SOCS7: variants seen among roughly 807,000 people sequenced by gnomAD.
The protein encoded by SOCS7 is NAP-4.
Under a neutral mutation model 58.9 loss-of-function variants are expected in SOCS7, and 18 were observed. The observed-to-expected ratio is 0.31, with a 90% confidence interval of 0.21 to 0.45. The LOEUF (loss-of-function observed/expected upper bound fraction) is 0.45. Ranked by LOEUF, SOCS7 falls within the 20% of genes least tolerant of loss-of-function variation. The pLI, the probability that SOCS7 is intolerant of heterozygous loss-of-function variation, is 1.00. For missense variants in SOCS7, 667 were observed against 837.3 expected (o/e 0.80, Z 2.51); for synonymous variants, 388 against 364.3 (o/e 1.06, Z -0.74).
At position 38,402,131 on chromosome 17, in the gene SOCS7, CTG is replaced by C; in HGVS notation, c.*2653_*2654del. 6.6e-6 allele frequency: 1 copy of C among 152,590 alleles called. No homozygotes were observed. The highest frequency in any genetic ancestry group is 1.5e-5 in the Non-Finnish European group (1 of 68,216). 9.5% of individuals were successfully genotyped at this position (152,590 alleles called of 1,614,324 possible). A position where few individuals can be genotyped will look rare whatever the true frequency, so the allele number is the denominator to read the frequency against. On this transcript the variant is annotated 3_prime_UTR_variant, in exon 10 of 10. Coordinates refer to ENST00000612932, the MANE Select transcript of SOCS7 (RefSeq NM_014598.4). ...TGGGGAGTGTCGTGTTGAACTGTGT[CTG>C]TGTCAGTGCACTGGTCCCAGCCCTG...
chr17:38,379,882 A>G (rs1365972859), intron 7 of SOCS7, among the ~76,000 whole-genome samples: 1 of 152,164 alleles, frequency 6.6e-6, no homozygotes, highest in East Asian at 1.9e-4. Flanking sequence ...TTGTAACTTA[A>G]TTATCAAAAA....
chr17:38,387,125 A>ATATG (rs1268042949), intron 7 of SOCS7, among the ~76,000 whole-genome samples: 1 of 102,814 alleles, frequency 9.7e-6, no homozygotes, highest in Non-Finnish European at 1.8e-5. Context: ...ATATATATAT[A>ATATG]TATGTATGTA....
At chr17:38,371,472 G>T (rs973322565) in intron 6 of SOCS7, among the ~76,000 whole-genome samples, 3 of 151,616 alleles carry the variant, frequency 2.0e-5, no homozygotes, top group Admixed American at 2.0e-4. Flanking sequence ...GTTTCACCAT[G>T]TTGGCCAGGT....
Position 38,402,015 on chromosome 17 carries a change from TG to T in SOCS7, c.*2537del, listed in dbSNP as rs1308039020. On this transcript the variant is annotated 3_prime_UTR_variant, in exon 10 of 10. Coordinates refer to ENST00000612932, the MANE Select transcript of SOCS7 (RefSeq NM_014598.4). ...AGAGCCTCTGCACCCCCTGTGTTAC[TG>T]GGGTTTCTTCTGGAGAACTCATACA... 6.6e-6 allele frequency: 1 copy of T among 152,268 alleles called. No homozygotes were observed. The highest frequency in any genetic ancestry group is 2.4e-5 in the African/African-American group (1 of 41,454). The allele number at this position is 152,268 out of a possible 1,614,324, so 9.4% of individuals were successfully genotyped here.
chr17:38,393,944 C>T (rs1043232469), intron 7 of SOCS7, among the ~76,000 whole-genome samples: 2 of 152,134 alleles, frequency 1.3e-5, no homozygotes, highest in East Asian at 3.8e-4. Flanking sequence ...ACTTAAACCC[C>T]AATAATAGTA....
At position 38,401,990 on chromosome 17, in the gene SOCS7, A is replaced by C. The variant is rs1305726600; in HGVS notation, c.*2508A>C. On this transcript the variant is annotated 3_prime_UTR_variant, in exon 10 of 10. Coordinates refer to ENST00000612932, the MANE Select transcript of SOCS7 (RefSeq NM_014598.4). ...TCAGCTCAGGCCATGTGAGGGAGGC[A>C]GAGCCTCTGCACCCCCTGTGTTACT... 6.6e-6 allele frequency: 1 copy of C among 152,274 alleles called. No individual in the cohort carries two copies. The highest frequency in any genetic ancestry group is 1.5e-5 in the Non-Finnish European group (1 of 68,082). 9.4% of individuals were successfully genotyped at this position (152,274 alleles called of 1,614,324 possible). A position where few individuals can be genotyped will look rare whatever the true frequency, so the allele number is the denominator to read the frequency against.
chr17:38,363,677 A>C, intron 2 of SOCS7, among the ~76,000 whole-genome samples: 1 of 152,166 alleles, frequency 6.6e-6, no homozygotes, highest in East Asian at 1.9e-4. Flanking sequence ...TATCTTAATT[A>C]GTATTCAAGA....
intron 7 of SOCS7, among the ~76,000 whole-genome samples, chr17:38,394,361 C>T (rs184079051): frequency 6.8e-4 from 104 of 152,298 alleles, no homozygotes; most frequent in African/African-American, 2.2e-3. Context: ...ATTTCAGAAG[C>T]AGGAACTGGG....
chr17:38,366,325 T>A lies in SOCS7; in HGVS notation c.1291T>A (p.Ser431Thr). Residue 431 changes from serine (S) to threonine (T), a missense_variant, in exon 5 of 10, where the codon TCC becomes ACC. Ser to Thr is a moderately conservative substitution (Grantham distance 58). Transcript: ENST00000612932. ...PRIAPIRAAE[S>T]LHSQPPQHLQ... ...GATTGCTCCCATCCGAGCAGCTGAA[T>A]CCCTGCACAGCCAACCCCCACAGCA... 1 of 1,614,146 alleles carries A rather than the reference T, an allele frequency of 6.2e-7. No homozygotes were observed. Among genetic ancestry groups the A allele is most frequent in the Middle Eastern group, 1.6e-4 (1 of 6,062 alleles).
intron 7 of SOCS7, among the ~76,000 whole-genome samples, chr17:38,389,900 C>CATATATATATATATATATATATGT (rs1263290062): frequency 4.0e-4 from 8 of 20,196 alleles, no homozygotes; most frequent in African/African-American, 8.2e-4. Context: ...TATATATATA[C>CATATATATATATATATATATATGT]ACATATAGAG....
Position 38,371,677 on chromosome 17 carries a change from G to A in SOCS7, c.1552+3627G>A, listed in dbSNP as rs541829079. ...GTCCAGGTTGGTCTTGAACTCCTGA[G>A]CTCAAGTGACCTGCTCACCTCTGCC... On this transcript the variant is annotated intron_variant, in intron 6 of 9. Transcript: ENST00000612932. 1.4e-4 allele frequency among the ~76,000 whole-genome samples: 21 copies of A among 150,748 alleles called. No homozygotes were observed. The South Asian group carries it at 4.4e-3, about 32-fold the overall frequency.
At chr17:38,366,079 C>T (rs1555568263) in intron 4 of SOCS7, 2 of 1,256,932 alleles carry the variant, frequency 1.6e-6, no homozygotes, top group Non-Finnish European at 2.1e-6. Context: ...CAAGTGCCCC[C>T]ACCCATCCTT....
chr17:38,380,399 G>C (rs2037985661), intron 7 of SOCS7, among the ~76,000 whole-genome samples: 1 of 152,062 alleles, frequency 6.6e-6, no homozygotes. Context: ...GGGAGTCCGA[G>C]GTGGGTGGAT....
At chr17:38,395,716 A>G in intron 8 of SOCS7, 132 bp from the exon 9 acceptor site, 3 of 990,456 alleles carry the variant, frequency 3.0e-6, no homozygotes, top group East Asian at 2.4e-5. Flanking sequence ...ACAGAACTAT[A>G]ATAACTGAGA....
chr17:38,391,353 G>T (rs2038171345), intron 7 of SOCS7, among the ~76,000 whole-genome samples: 1 of 152,148 alleles, frequency 6.6e-6, no homozygotes, highest in African/African-American at 2.4e-5. Flanking sequence ...TCAAGCTGAA[G>T]AAAGGAGTGG....
chr17:38,360,026 C>T (rs910756905), intron 1 of SOCS7, among the ~76,000 whole-genome samples: 5 of 151,928 alleles, frequency 3.3e-5, no homozygotes, highest in Non-Finnish European at 5.9e-5. Flanking sequence ...AATCTGCCCA[C>T]CTCAGCCTCT....
At chr17:38,354,741 A>ATGACATAGGATAGATTGC (rs1484513087) in intron 1 of SOCS7, among the ~76,000 whole-genome samples, 48 of 152,300 alleles carry the variant, frequency 3.2e-4, no homozygotes, top group Admixed American at 2.1e-3. Context: ...GCTATGGGTA[A>ATGACATAGGATAGATTGC]TGACATAGGA....
At position 38,371,754 on chromosome 17, in the gene SOCS7, G is replaced by GTTTTTTTT. The variant is rs770296566; in HGVS notation, c.1552+3721_1552+3728dup. Among the ~76,000 whole-genome samples, 10 of 72,210 alleles carry GTTTTTTTT rather than the reference G, an allele frequency of 1.4e-4. 1 individual carries two copies. Among genetic ancestry groups the GTTTTTTTT allele is most frequent in the African/African-American group, 5.5e-4 (10 of 18,224 alleles). 47.4% of individuals were successfully genotyped at this position (72,210 alleles called of 152,430 possible). A position where few individuals can be genotyped will look rare whatever the true frequency, so the allele number is the denominator to read the frequency against. ...GAGCCACTGTGCCTGGCCCTTTTGT[G>GTTTTTTTT]TTTTTTTTTTTTTTTTTTTTTTTTG... On this transcript the variant is annotated intron_variant, in intron 6 of 9. Transcript: ENST00000612932.
chr17:38,396,871 T>C (rs2038251570), intron 9 of SOCS7, among the ~76,000 whole-genome samples: 1 of 152,190 alleles, frequency 6.6e-6, no homozygotes, highest in Non-Finnish European at 1.5e-5. Context: ...TCTTCAATTA[T>C]ATGCAAATTG....
Sources: gnomAD v4.1 joint callset for allele counts (sites outside exome capture counted in the v4.1 genomes callset) on GRCh38, gnomAD v4.1.1 for gene constraint, MANE v1.5 for transcripts, NCBI Gene and HGNC (gene_info 2026-07-23, HGNC 2026-07-21) for gene names.